The following EIF6 variants were observed in gnomAD, a reference collection of about 807,000 sequenced individuals.
EIF6 encodes the protein B4 integrin interactor.
A neutral mutation model predicts 25.5 loss-of-function variants in EIF6; 10 were observed. The observed-to-expected ratio is 0.39, with a 90% CI of 0.24 to 0.66. The LOEUF (loss-of-function observed/expected upper bound fraction) is 0.66. Among genes scored for constraint, EIF6 ranks in the 30% least tolerant of loss-of-function variants. EIF6 has a pLI of 0.45. For synonymous variants in EIF6, 122 were observed against 122.6 expected, an observed-to-expected ratio of 1.00 and a Z score of 0.03; for missense variants, 246 against 315.4, an observed-to-expected ratio of 0.78 and a Z score of 1.67.
chr20:35,281,523 G>T (rs2060775840), intron 3 of EIF6, among the ~76,000 whole-genome samples: 1 of 151,948 alleles, frequency 6.6e-6, no homozygotes, highest in Admixed American at 6.6e-5. Context: ...TCAGCTCACT[G>T]CAACTTCTGC....
At position 35,279,615 on chromosome 20, in the gene EIF6, C is replaced by G; in HGVS notation, c.679G>C (p.Ala227Pro). 1 of 1,614,166 alleles carries G rather than the reference C, an allele frequency of 6.2e-7. No homozygotes were observed. Among genetic ancestry groups the G allele is most frequent in the Non-Finnish European group, 8.5e-7 (1 of 1,180,044 alleles). ...VVESVFKLNE[A>P]QPSTIATSMR... ...CTGGTGGCAATGGTGCTAGGCTGGG[C>G]TTCATTCAGCTTGAAGACACTCTCC... The change falls in exon 6 of 7, where the codon GCC (alanine) becomes CCC (proline). Residue 227 changes from alanine (A) to proline (P), a missense_variant. Physicochemically the swap from Ala to Pro is conservative, Grantham distance 27 (BLOSUM62 -1). Coordinates refer to ENST00000374450, the MANE Select transcript of EIF6 (RefSeq NM_002212.4).
intron 3 of EIF6, among the ~76,000 whole-genome samples, chr20:35,283,014 G>A (rs778780330): frequency 7.9e-5 from 12 of 152,312 alleles, no homozygotes; most frequent in African/African-American, 1.9e-4. Context: ...AGGACCGGCC[G>A]GGCGCAGTGG....
At chr20:35,284,337 C>A in intron 2 of EIF6, 44 bp downstream of exon 2, 1 of 1,613,792 alleles carries the variant, frequency 6.2e-7, no homozygotes, top group Non-Finnish European at 8.5e-7. Flanking sequence ...TTGACTCCTG[C>A]GCACGCCTCC....
In EIF6 at chr20:35,279,686, C is replaced by T. The variant is rs2060754588; in HGVS notation, c.608G>A (p.Cys203Tyr). The T allele has an allele frequency of 6.2e-7, 1 of 1,614,212 alleles. No homozygotes were observed. Among genetic ancestry groups the T allele is most frequent in the Non-Finnish European group, 8.5e-7 (1 of 1,180,050 alleles). ...GGTTGTGTCCAGGCCACAGAAGGCA[C>T]ACCAGTCATTCACCACCATCCCAGC... ...IAAGMVVNDW[C>Y]AFCGLDTTST... Residue 203 changes from cysteine (C) to tyrosine (Y), a missense_variant, in exon 6 of 7, where the codon TGT becomes TAT. By Grantham distance (194) the Cys-to-Tyr change is radical. Transcript: ENST00000374450.
intron 3 of EIF6, among the ~76,000 whole-genome samples, 154 bp downstream of exon 3, chr20:35,284,022 C>G (rs569479057): frequency 1.3e-5 from 2 of 152,278 alleles, no homozygotes; most frequent in East Asian, 1.9e-4. Context: ...AGGGTTGCCC[C>G]GATCTCCTGA....
chr20:35,280,332 CAGCT>C (rs2060763393), intron 4 of EIF6, among the ~76,000 whole-genome samples: 1 of 152,202 alleles, frequency 6.6e-6, no homozygotes, highest in African/African-American at 2.4e-5. Flanking sequence ...ATGCCCTGAA[CAGCT>C]GGAGGCTGGT....
chr20:35,279,235 T>C (rs367744778), intron 6 of EIF6, 29 bp from the exon 7 acceptor site: 23 of 1,612,066 alleles, frequency 1.4e-5, no homozygotes, highest in Non-Finnish European at 1.0e-5. Context: ...GCACGGTCAG[T>C]AGCTGTTTCA....
Position 35,280,086 on chromosome 20 carries a change from C to G in EIF6, c.402G>C (p.Lys134Asn). Reference protein sequence around the residue: ...ETEEILADVLKVEVFRQTVAD... With the variant: ...ETEEILADVLNVEVFRQTVAD... Reference sequence around the variant, plus strand: ...CCACTGTCTGTCTGAAGACTTCCACCTTGAGCACATCTGCCAGAATTTCTT... The same window carrying G: ...CCACTGTCTGTCTGAAGACTTCCACGTTGAGCACATCTGCCAGAATTTCTT... Residue 134 changes from lysine (K) to asparagine (N), a missense_variant, in exon 5 of 7, where the codon AAG becomes AAC. By Grantham distance (94) the Lys-to-Asn change is moderately conservative. Coordinates refer to ENST00000374450, the MANE Select transcript of EIF6 (RefSeq NM_002212.4). 1 of 1,614,178 alleles carries G rather than the reference C, an allele frequency of 6.2e-7. No homozygotes were observed. Among genetic ancestry groups the G allele is most frequent in the Non-Finnish European group, 8.5e-7 (1 of 1,180,016 alleles).
chr20:35,279,776 A>G, intron 5 of EIF6, 29 bp from the exon 6 acceptor site: 1 of 1,611,720 alleles, frequency 6.2e-7, no homozygotes, highest in Non-Finnish European at 8.5e-7. Context: ...AATGTGAGTC[A>G]CGGCACCAAA....
In EIF6 at chr20:35,279,696, TCAC is replaced by T; in HGVS notation, c.595_597del (p.Val199del). The T allele has an allele frequency of 6.2e-7, 1 of 1,614,132 alleles. No homozygotes were observed. Among genetic ancestry groups the T allele is most frequent in the Non-Finnish European group, 8.5e-7 (1 of 1,180,028 alleles). Reference sequence around the variant, plus strand: ...AGGCCACAGAAGGCACACCAGTCATTCACCACCATCCCAGCAGCAATCACCTCA... The same window carrying T: ...AGGCCACAGAAGGCACACCAGTCATTCACCATCCCAGCAGCAATCACCTCA... On this transcript the variant is annotated inframe_deletion, in exon 6 of 7. Coordinates refer to ENST00000374450, the MANE Select transcript of EIF6 (RefSeq NM_002212.4).
intron 4 of EIF6, 123 bp downstream of exon 4, chr20:35,280,531 C>T (rs1387677384): frequency 3.3e-5 from 39 of 1,195,912 alleles, no homozygotes; most frequent in Middle Eastern, 2.9e-4. Flanking sequence ...GTACCTGAAA[C>T]TCAAGAGCCC....
intron 3 of EIF6, among the ~76,000 whole-genome samples, chr20:35,282,681 C>G (rs1049817706): frequency 6.6e-6 from 1 of 151,686 alleles, no homozygotes; most frequent in African/African-American, 2.4e-5. Context: ...CTCAGCTCAC[C>G]GCAGGGTGAG....
chr20:35,284,408 G>T lies in EIF6; in HGVS notation c.80C>A (p.Ala27Glu). 1.2e-6 allele frequency: 2 copies of T among 1,613,988 alleles called. No individual in the cohort carries two copies. Among genetic ancestry groups the T allele is most frequent in the South Asian group, 2.2e-5 (2 of 91,088 alleles). Residue 27 changes from alanine to glutamate, a missense_variant, in exon 2 of 7, where the codon GCG becomes GAG. Transcript: ENST00000374450. ...AKLTNTYCLV[A>E]IGGSENFYSV... ...GTAGAAGTTCTCTGAGCCTCCGATC[G>T]CTACCAGACAGTAGGTGTTGGTGAG...
rs1452171002 is a variant in EIF6, at chr20:35,280,789, G to T, written c.234C>A (p.Asp78Glu). 5 of 1,614,022 alleles carry T rather than the reference G, an allele frequency of 3.1e-6. No homozygotes were observed. The highest frequency in any genetic ancestry group is 1.3e-5 in the African/African-American group (1 of 74,910). ...HGLLVPNNTT[D>E]QELQHIRNSL... The stretch of plus-strand genomic sequence containing the variant: ...TGTTGCGAATGTGTTGCAGCTCCTG[G>T]TCGGTGGTATTGTTGGGTACCAGGA... Residue 78 changes from aspartate (D) to glutamate (E), a missense_variant, in exon 4 of 7, where the codon GAC (aspartate) becomes GAA (glutamate). By Grantham distance (45) the Asp-to-Glu change is conservative. Coordinates refer to ENST00000374450, the MANE Select transcript of EIF6 (RefSeq NM_002212.4).
At chr20:35,280,556 C>A in intron 4 of EIF6, 98 bp downstream of exon 4, 2 of 1,442,930 alleles carry the variant, frequency 1.4e-6, no homozygotes, top group Non-Finnish European at 1.9e-6. Context: ...AGAAAAACCA[C>A]AGGAGAGACC....
Position 35,283,529 on chromosome 20 carries a change from G to C in EIF6, c.193+647C>G, listed in dbSNP as rs2060794626. ...AGATACAAATCCTCGGCTGGGTATA[G>C]TGGCTCTCGCCTATAATCCCAACAC... On this transcript the variant is annotated intron_variant, in intron 3 of 6. Coordinates refer to ENST00000374450, the MANE Select transcript of EIF6 (RefSeq NM_002212.4). Among the ~76,000 whole-genome samples, 4 of 152,326 alleles carry C rather than the reference G, an allele frequency of 2.6e-5. No homozygotes were observed. The South Asian group carries it at 8.3e-4, about 32-fold the overall frequency.
At chr20:35,280,888 G>C in intron 3 of EIF6, 59 bp from the exon 4 acceptor site, 2 of 1,577,744 alleles carry the variant, frequency 1.3e-6, no homozygotes, top group Admixed American at 1.8e-5. Flanking sequence ...CCTAGGGGCT[G>C]AGGATACCAC....
intron 5 of EIF6, 32 bp from the exon 6 acceptor site, chr20:35,279,779 G>A: frequency 6.2e-7 from 1 of 1,611,096 alleles, no homozygotes; most frequent in Non-Finnish European, 8.5e-7. Flanking sequence ...GTGAGTCACG[G>A]CACCAAATTC....
At chr20:35,283,649 A>C (rs965339735) in intron 3 of EIF6, among the ~76,000 whole-genome samples, 1 of 152,056 alleles carries the variant, frequency 6.6e-6, no homozygotes, top group African/African-American at 2.4e-5. Flanking sequence ...AAAATGTAAA[A>C]ATTAGCCAGG....
Sources: allele counts gnomAD v4.1 joint callset (sites outside exome capture counted in the v4.1 genomes callset), GRCh38; gene constraint gnomAD v4.1.1; transcripts MANE v1.5; gene names NCBI Gene and HGNC (gene_info 2026-07-23, HGNC 2026-07-21).